The following TTC34 variants were observed in gnomAD, a reference collection of about 807,000 sequenced individuals.
TTC34 encodes tetratricopeptide repeat protein 34.
In TTC34, 44 loss-of-function variants were observed where a neutral mutation model predicts 40.7. That is an observed-to-expected ratio of 1.08 (90% CI 0.85 to 1.39). The LOEUF (loss-of-function observed/expected upper bound fraction) is 1.39. Among genes scored for constraint, TTC34 ranks in the 40% most tolerant of loss-of-function variants. The pLI, the probability that TTC34 is intolerant of heterozygous loss-of-function variation, is 0.00. For missense variants in TTC34, 884 were observed against 838.0 expected, an observed-to-expected ratio of 1.05 and a Z score of -0.68; for synonymous variants, 422 against 398.6, an observed-to-expected ratio of 1.06 and a Z score of -0.70.
intron 6 of TTC34, among the ~76,000 whole-genome samples, chr1:2,781,422 AT>A (rs199675991): frequency 4.6e-5 from 7 of 151,708 alleles, no homozygotes; most frequent in African/African-American, 9.7e-5. Flanking sequence ...AGTTCTAACA[AT>A]TTTTTTTTGT....
At chr1:2,767,886 A>G (rs1641827005) in intron 6 of TTC34, among the ~76,000 whole-genome samples, 1 of 138,660 alleles carries the variant, frequency 7.2e-6, no homozygotes, top group African/African-American at 2.6e-5. Context: ...AGCACCCTCC[A>G]CCACCAGATG....
chr1:2,792,869 C>A (rs1489503561), intron 2 of TTC34, among the ~76,000 whole-genome samples: 1 of 152,258 alleles, frequency 6.6e-6, no homozygotes, highest in Non-Finnish European at 1.5e-5. Flanking sequence ...GAGGAGCCCC[C>A]TCAGGTGAAG....
Position 2,788,273 on chromosome 1 carries a change from ATGTACATGTTGTGTGTTGTGTGTGTG to A in TTC34, c.1629-593_1629-568del, listed in dbSNP as rs1356513765. Among the ~76,000 whole-genome samples, 345 of 152,058 alleles carry A rather than the reference ATGTACATGTTGTGTGTTGTGTGTGTG, an allele frequency of 2.3e-3. 1 individual carries two copies. The highest frequency in any genetic ancestry group is 8.0e-3 in the African/African-American group (330 of 41,358). Reference sequence around the variant, plus strand: ...GAACTCTGTGTGTTTTGTGTGCGTTATGTACATGTTGTGTGTTGTGTGTGTGTTATGTACATGTTGTGTGTTGTATG... The same window carrying A: ...GAACTCTGTGTGTTTTGTGTGCGTTATTATGTACATGTTGTGTGTTGTATG... On this transcript the variant is annotated intron_variant, in intron 3 of 8. Coordinates refer to ENST00000401095, the Ensembl canonical transcript of TTC34.
chr1:2,748,751 G>T (rs1286020322), intron 6 of TTC34, among the ~76,000 whole-genome samples: 2 of 132,216 alleles, frequency 1.5e-5, no homozygotes, highest in Non-Finnish European at 1.5e-5. Flanking sequence ...GACTGGAACA[G>T]CACCCACACC....
chr1:2,777,837 G>A (rs1643333322), intron 6 of TTC34, among the ~76,000 whole-genome samples: 1 of 152,204 alleles, frequency 6.6e-6, no homozygotes, highest in African/African-American at 2.4e-5. Flanking sequence ...CTGCGGCCCT[G>A]GACACAGCGG....
chr1:2,651,500 C>G (rs566972360), intron 6 of TTC34, among the ~76,000 whole-genome samples: 6 of 152,134 alleles, frequency 3.9e-5, no homozygotes, highest in African/African-American at 1.4e-4. Context: ...ATCTGACAGC[C>G]TAGAATGGCA....
chr1:2,681,898 G>A (rs1222181946), intron 6 of TTC34, among the ~76,000 whole-genome samples: 15 of 44,448 alleles, frequency 3.4e-4, no homozygotes, highest in Non-Finnish European at 4.6e-4. Context: ...TGGAACAACA[G>A]CCTGCACCAC....
chr1:2,753,524 A>G (rs1404909782), intron 6 of TTC34, among the ~76,000 whole-genome samples: 1 of 70,542 alleles, frequency 1.4e-5, no homozygotes, highest in Non-Finnish European at 2.4e-5. Context: ...ACGGCCTGCA[A>G]CAGCACCCAC....
At position 2,645,287 on chromosome 1, in the gene TTC34, G is replaced by T; in HGVS notation, c.2497+6C>A. On this transcript the variant is annotated splice_donor_region_variant and intron_variant, in intron 7 of 8. Coordinates refer to ENST00000401095, the Ensembl canonical transcript of TTC34. The surrounding 1 kb of genome is among the most constrained non-coding windows in gnomAD (Gnocchi z 4.7). ...CCGTGTTTCCCACCTTGGGGCCGCC[G>T]CATACCCTGTGCCATGAGAATGTCT... The T allele has an allele frequency of 6.8e-7, 1 of 1,474,794 alleles. No homozygotes were observed. 91.4% of individuals were successfully genotyped at this position (1,474,794 alleles called of 1,614,324 possible). A position where few individuals can be genotyped will look rare whatever the true frequency, so the allele number is the denominator to read the frequency against.
At chr1:2,692,909 AGG>A (rs1640692377) in intron 6 of TTC34, among the ~76,000 whole-genome samples, 1 of 20,098 alleles carries the variant, frequency 5.0e-5, no homozygotes, top group African/African-American at 2.2e-4. Context: ...CCCACACTGC[AGG>A]GCGAGCATCT....
At chr1:2,643,076 A>G (rs1326678430) in intron 8 of TTC34, among the ~76,000 whole-genome samples, 4 of 152,122 alleles carry the variant, frequency 2.6e-5, no homozygotes, top group South Asian at 4.1e-4. Flanking sequence ...GGCCGGGTCC[A>G]TGGCAGCAGG....
intron 6 of TTC34, among the ~76,000 whole-genome samples, chr1:2,749,649 G>C (rs1274090507): frequency 8.9e-6 from 1 of 112,954 alleles, no homozygotes; most frequent in Non-Finnish European, 1.7e-5. Context: ...CACACCCAGA[G>C]GTGAGCATCC....
intron 6 of TTC34, among the ~76,000 whole-genome samples, chr1:2,648,828 A>G (rs967379324): frequency 6.6e-6 from 1 of 151,066 alleles, no homozygotes. Context: ...AGACTGGAGC[A>G]GCATTCTCCA....
intron 6 of TTC34, among the ~76,000 whole-genome samples, chr1:2,754,477 CA>C (rs1641433437): frequency 1.6e-5 from 1 of 62,852 alleles, no homozygotes; most frequent in Non-Finnish European, 2.7e-5. Flanking sequence ...GAGCATCTGA[CA>C]GCCTGGAACG....
chr1:2,791,950 G>A (rs1322088017), intron 2 of TTC34, among the ~76,000 whole-genome samples: 1 of 137,050 alleles, frequency 7.3e-6, no homozygotes, highest in South Asian at 2.3e-4. Flanking sequence ...CCCTTCTACT[G>A]TCGCTAATAT....
intron 6 of TTC34, among the ~76,000 whole-genome samples, chr1:2,649,351 G>A (rs572102806): frequency 1.8e-4 from 27 of 151,908 alleles, no homozygotes; most frequent in Middle Eastern, 6.8e-3. Flanking sequence ...AGCCTAGAAC[G>A]GCACCCCCCA....
intron 6 of TTC34, among the ~76,000 whole-genome samples, chr1:2,758,216 C>G (rs1364920785): frequency 8.5e-6 from 1 of 118,118 alleles, no homozygotes; most frequent in Non-Finnish European, 1.9e-5. Flanking sequence ...CAACTGACAC[C>G]CTGGAACAGC....
intron 6 of TTC34, among the ~76,000 whole-genome samples, chr1:2,759,464 A>C (rs1283261904): frequency 9.2e-6 from 1 of 108,944 alleles, no homozygotes; most frequent in Non-Finnish European, 1.8e-5. Flanking sequence ...GACAGCCTGG[A>C]GCAGCACCCC....
intron 6 of TTC34, among the ~76,000 whole-genome samples, chr1:2,773,040 C>G: frequency 6.7e-6 from 1 of 148,166 alleles, no homozygotes; most frequent in Admixed American, 6.7e-5. Context: ...ATCTGACAGC[C>G]TGGAGCAGCA....
Sources: gnomAD v4.1 joint callset for allele counts (sites outside exome capture counted in the v4.1 genomes callset) on GRCh38, gnomAD v4.1.1 for gene constraint, Gnocchi (gnomAD v3.1) non-coding constraint, MANE v1.5 for transcripts, NCBI Gene and HGNC (gene_info 2026-07-23, HGNC 2026-07-21) for gene names.